Variants in STK3 observed in about 807,000 individuals in gnomAD.
The protein encoded by STK3 is serine/threonine kinase 3.
STK3 carries 41 observed loss-of-function variants against 58.0 expected under a neutral mutation model. The ratio of observed to expected loss-of-function variants is 0.71; its 90% confidence interval spans 0.55 to 0.92. STK3 has a LOEUF of 0.92. STK3 is among the 40% of genes least tolerant of loss of function. STK3 has a pLI of 0.00. For synonymous variants in STK3, 170 were observed against 191.0 expected, an observed-to-expected ratio of 0.89 and a Z score of 0.91; for missense variants, 479 against 602.7, an observed-to-expected ratio of 0.79 and a Z score of 2.15.
At chr8:98,889,194 T>A (rs1838105126) in intron 1 of STK3, among the ~76,000 whole-genome samples, 2 of 152,180 alleles carry the variant, frequency 1.3e-5, no homozygotes, top group African/African-American at 4.8e-5. Context: ...AAAAGTCAGT[T>A]TTGAATTACA....
At chr8:98,823,605 G>T (rs142485024) in intron 1 of STK3, among the ~76,000 whole-genome samples, 1 of 152,180 alleles carries the variant, frequency 6.6e-6, no homozygotes, top group Non-Finnish European at 1.5e-5. Flanking sequence ...ACACATAGGG[G>T]CTTCAAATAT....
chr8:98,801,662 G>A lies in STK3; in HGVS notation c.26+23853C>T, dbSNP rs140035309. 8.6e-3 allele frequency among the ~76,000 whole-genome samples: 1,311 copies of A among 152,168 alleles called. 9 individuals carry two copies. The highest frequency in any genetic ancestry group is 0.03 in the African/African-American group (1,231 of 41,484). Reference sequence around the variant, plus strand: ...GAAGGAAGAAACTCCAAACGTGTCCGAACATCAGAGGGAACAAACTCCGGA... The same window carrying A: ...GAAGGAAGAAACTCCAAACGTGTCCAAACATCAGAGGGAACAAACTCCGGA... On this transcript the variant is annotated intron_variant, in intron 1 of 10. Transcript: ENST00000419617.
intron 1 of STK3, among the ~76,000 whole-genome samples, chr8:98,784,514 T>C: frequency 6.6e-6 from 1 of 151,064 alleles, no homozygotes; most frequent in South Asian, 2.1e-4. Flanking sequence ...CTCTACTCCC[T>C]GGCAAAAATC....
rs1380743763 is a variant in STK3, at chr8:98,706,725, C to T, written c.517-91G>A. On this transcript the variant is annotated intron_variant, in intron 5 of 10. Transcript: ENST00000419617. ...ATACTTTTAAAAAATGTTAAAACCT[C>T]CAATGCCACAGATTATATCAGAAAT... 4 of 1,302,054 alleles carry T rather than the reference C, an allele frequency of 3.1e-6. No homozygotes were observed. The East Asian group carries it at 1.0e-4, about 33-fold the overall frequency. The allele number at this position is 1,302,054 out of a possible 1,614,324, so 80.7% of individuals were successfully genotyped here.
chr8:98,521,925 G>A (rs558401336), intron 10 of STK3, among the ~76,000 whole-genome samples: 1 of 152,212 alleles, frequency 6.6e-6, no homozygotes, highest in South Asian at 2.1e-4. Flanking sequence ...CAATGTCTGA[G>A]TTATTGTTCT....
intron 4 of STK3, among the ~76,000 whole-genome samples, chr8:98,708,457 T>C (rs1405636499): frequency 6.6e-6 from 1 of 151,796 alleles, no homozygotes; most frequent in Non-Finnish European, 1.5e-5. Context: ...TGACCTAATA[T>C]TGAGAACTCA....
At chr8:98,687,373 T>C (rs1824078729) in intron 6 of STK3, among the ~76,000 whole-genome samples, 2 of 152,130 alleles carry the variant, frequency 1.3e-5, no homozygotes, top group Admixed American at 1.3e-4. Context: ...GCACGTGCAG[T>C]TCACAAAAGG....
chr8:98,460,144 G>A (rs1819833346), intron 10 of STK3, among the ~76,000 whole-genome samples: 1 of 152,206 alleles, frequency 6.6e-6, no homozygotes. Flanking sequence ...AAAGCCACAG[G>A]GGTAGTGCTA....
chr8:98,585,106 C>T (rs1302433886), intron 7 of STK3, among the ~76,000 whole-genome samples: 1 of 151,230 alleles, frequency 6.6e-6, no homozygotes, highest in South Asian at 2.1e-4. Flanking sequence ...TTAATTAGAT[C>T]CCATTTGTCA....
At chr8:98,808,391 CT>C (rs1463605055) in intron 1 of STK3, among the ~76,000 whole-genome samples, 1 of 152,156 alleles carries the variant, frequency 6.6e-6, no homozygotes, top group Non-Finnish European at 1.5e-5. Flanking sequence ...GGTCCTCTTT[CT>C]TTATTTTCTC....
chr8:98,907,815 T>A (rs1159675714), intron 1 of STK3, among the ~76,000 whole-genome samples: 1 of 152,206 alleles, frequency 6.6e-6, no homozygotes, highest in East Asian at 1.9e-4. Context: ...CCAGACTAGG[T>A]CCATAACTTG....
chr8:98,939,694 G>T (rs1223046596), intron 1 of STK3, among the ~76,000 whole-genome samples: 1 of 152,262 alleles, frequency 6.6e-6, no homozygotes, highest in South Asian at 2.1e-4. Context: ...GCGTTGGCAA[G>T]TGCGTTGAAA....
Position 98,817,453 on chromosome 8 carries a change from C to CA in STK3, c.26+8061dup, listed in dbSNP as rs61671053. 3.5e-3 allele frequency among the ~76,000 whole-genome samples: 456 copies of CA among 128,934 alleles called. 11 individuals are homozygous for CA. The highest frequency in any genetic ancestry group is 5.4e-3 in the African/African-American group (182 of 33,912). 84.6% of individuals were successfully genotyped at this position (128,934 alleles called of 152,430 possible). On this transcript the variant is annotated intron_variant, in intron 1 of 10. Transcript: ENST00000419617. Reference sequence around the variant, plus strand: ...TGGGCGACAGAGCAAGACTCCATCTCAAAAAAAAAAAAAAAATAGAAATCA... The same window carrying CA: ...TGGGCGACAGAGCAAGACTCCATCTCAAAAAAAAAAAAAAAAATAGAAATCA...
intron 1 of STK3, among the ~76,000 whole-genome samples, chr8:98,825,157 AG>A (rs1835166620): frequency 6.6e-6 from 1 of 152,216 alleles, no homozygotes; most frequent in Non-Finnish European, 1.5e-5. Flanking sequence ...TTGAGGGGGA[AG>A]GGGGAAGAAC....
rs191869399 is a variant in STK3 at position 98,749,086 on chromosome 8, T to A, written c.351+190A>T. Among the ~76,000 whole-genome samples the A allele has an allele frequency of 1.6e-3, 246 of 152,100 alleles. 1 individual carries two copies. The highest frequency in any genetic ancestry group is 5.8e-3 in the African/African-American group (240 of 41,554). On this transcript the variant is annotated intron_variant, in intron 4 of 10. Transcript: ENST00000419617. The stretch of plus-strand genomic sequence containing the variant: ...TCCTAATAAATAAATTAAACAATCA[T>A]GTAATTCCTAAATTTGTTACAGAAA...
chr8:98,729,254 C>G (rs150488191), intron 4 of STK3, among the ~76,000 whole-genome samples: 8 of 152,056 alleles, frequency 5.3e-5, no homozygotes, highest in Non-Finnish European at 1.0e-4. Context: ...GGATTACAGG[C>G]GCATGCCAAC....
chr8:98,755,008 A>G (rs185313962), intron 3 of STK3, among the ~76,000 whole-genome samples: 48 of 152,340 alleles, frequency 3.2e-4, no homozygotes, highest in African/African-American at 1.1e-3. Context: ...GCCACCTGAA[A>G]ACACAGCCCT....
intron 10 of STK3, among the ~76,000 whole-genome samples, chr8:98,505,064 T>A (rs1277246698): frequency 6.6e-6 from 1 of 152,210 alleles, no homozygotes; most frequent in Non-Finnish European, 1.5e-5. Context: ...CATAGTCCCA[T>A]GTTTCTTGGA....
intron 3 of STK3, among the ~76,000 whole-genome samples, chr8:98,840,628 T>TACACAC (rs1554689100): frequency 1.7e-5 from 2 of 114,478 alleles, no homozygotes; most frequent in Non-Finnish European, 3.6e-5. Flanking sequence ...TATATATATA[T>TACACAC]ACACACACAT....
Sources: gnomAD v4.1 joint callset for allele counts (sites outside exome capture counted in the v4.1 genomes callset) on GRCh38, gnomAD v4.1.1 for gene constraint, MANE v1.5 for transcripts, NCBI Gene and HGNC (gene_info 2026-07-23, HGNC 2026-07-21) for gene names.